LTBP1: variants seen among roughly 807,000 people sequenced by gnomAD.
LTBP1 encodes latent transforming growth factor beta binding protein 1.
In LTBP1, 129 loss-of-function variants were observed where a neutral mutation model predicts 207.6. That is an observed-to-expected ratio of 0.62 (90% CI 0.54 to 0.72). The LOEUF (loss-of-function observed/expected upper bound fraction) is 0.72, where lower values mean the gene tolerates loss of function less well. Ranked by LOEUF, LTBP1 falls within the 30% of genes least tolerant of loss-of-function variation. LTBP1 has a pLI of 0.00. For missense variants in LTBP1, 2,281 were observed against 2,217.2 expected, an observed-to-expected ratio of 1.03 and a Z score of -0.58; for synonymous variants, 963 against 833.7, an observed-to-expected ratio of 1.16 and a Z score of -2.67.
At position 33,293,995 on chromosome 2, in the gene LTBP1, C is replaced by CTTTTTTTTTTTTTT. The variant is rs71409607; in HGVS notation, c.3235+728_3235+741dup. On this transcript the variant is annotated intron_variant, in intron 20 of 33. Coordinates refer to ENST00000404816, the MANE Select transcript of LTBP1 (RefSeq NM_206943.4). ...ATTAGTGAACAAAACTGGTACAGGT[C>CTTTTTTTTTTTTTT]TTTTTTTTTTTTTTTTTTTTTTTTT... is the stretch of plus-strand genomic sequence containing the variant. Among the ~76,000 whole-genome samples, 3 of 48,808 alleles carry CTTTTTTTTTTTTTT rather than the reference C, an allele frequency of 6.1e-5. 1 individual carries two copies. Among genetic ancestry groups the CTTTTTTTTTTTTTT allele is most frequent in the African/African-American group, 2.6e-4 (3 of 11,522 alleles). 32.0% of individuals were successfully genotyped at this position (48,808 alleles called of 152,430 possible).
intron 22 of LTBP1, among the ~76,000 whole-genome samples, chr2:33,305,767 G>A (rs994782491): frequency 6.6e-6 from 1 of 152,164 alleles, no homozygotes; most frequent in Non-Finnish European, 1.5e-5. Flanking sequence ...ACCAGCAAAG[G>A]AGATTGAGGA....
chr2:33,336,756 A>G (rs1380577100), intron 24 of LTBP1, among the ~76,000 whole-genome samples: 1 of 152,204 alleles, frequency 6.6e-6, no homozygotes, highest in Non-Finnish European at 1.5e-5. Flanking sequence ...AGTCAACAAA[A>G]TAAGAGAAGG....
chr2:33,203,484 G>A (rs1264642577), intron 7 of LTBP1, among the ~76,000 whole-genome samples: 2 of 152,134 alleles, frequency 1.3e-5, no homozygotes, highest in South Asian at 2.1e-4. Context: ...CCCTTCCTGC[G>A]GCCCAGTATC....
intron 2 of LTBP1, among the ~76,000 whole-genome samples, chr2:32,957,773 T>A (rs1019361224): frequency 6.6e-6 from 1 of 152,188 alleles, no homozygotes; most frequent in Admixed American, 6.5e-5. Context: ...ACACAGTGTT[T>A]GTGAAGTGCA....
chr2:33,037,206 T>C (rs1405740991), intron 3 of LTBP1, among the ~76,000 whole-genome samples: 1 of 152,210 alleles, frequency 6.6e-6, no homozygotes, highest in African/African-American at 2.4e-5. Context: ...CCATATCATA[T>C]ATGTTTCATT....
At chr2:33,138,938 A>T (rs1486151241) in intron 5 of LTBP1, among the ~76,000 whole-genome samples, 4 of 132,444 alleles carry the variant, frequency 3.0e-5, no homozygotes, top group Admixed American at 8.8e-5. Flanking sequence ...GGCTCACTGC[A>T]AGCTCCGCCT....
At chr2:33,049,682 G>T (rs904162978) in intron 3 of LTBP1, among the ~76,000 whole-genome samples, 2 of 152,100 alleles carry the variant, frequency 1.3e-5, no homozygotes, top group African/African-American at 4.8e-5. Flanking sequence ...TATGTTTTGT[G>T]ATGTACATAT....
chr2:33,073,506 C>G (rs977844701), intron 3 of LTBP1, among the ~76,000 whole-genome samples: 1 of 152,064 alleles, frequency 6.6e-6, no homozygotes, highest in African/African-American at 2.4e-5. Context: ...TTGAAGAAAC[C>G]TATCATACAT....
intron 7 of LTBP1, among the ~76,000 whole-genome samples, chr2:33,206,315 G>A (rs1393348634): frequency 6.6e-6 from 1 of 152,194 alleles, no homozygotes; most frequent in Non-Finnish European, 1.5e-5. Context: ...AAAACTGAAA[G>A]CTTAACCAAA....
chr2:33,139,028 T>C (rs1291825864), intron 5 of LTBP1, among the ~76,000 whole-genome samples: 1 of 150,088 alleles, frequency 6.7e-6, no homozygotes, highest in Non-Finnish European at 1.5e-5. Context: ...CCGGCTAATT[T>C]TTTGTATTTT....
chr2:33,104,848 G>A (rs1455362487), intron 3 of LTBP1, among the ~76,000 whole-genome samples: 1 of 152,062 alleles, frequency 6.6e-6, no homozygotes, highest in Non-Finnish European at 1.5e-5. Flanking sequence ...CGAGAATAGA[G>A]TGGCCCTTTC....
chr2:33,234,627 C>T (rs1188443142), intron 9 of LTBP1, among the ~76,000 whole-genome samples: 1 of 152,134 alleles, frequency 6.6e-6, no homozygotes, highest in African/African-American at 2.4e-5. Flanking sequence ...GCATCAATAT[C>T]GTGAAAATGG....
chr2:33,024,260 G>C (rs2075310339), intron 3 of LTBP1, among the ~76,000 whole-genome samples: 1 of 152,210 alleles, frequency 6.6e-6, no homozygotes, highest in Non-Finnish European at 1.5e-5. Flanking sequence ...AAGTGCTGTG[G>C]AGAAAATAAA....
chr2:32,992,855 C>T (rs1315565182), intron 2 of LTBP1, among the ~76,000 whole-genome samples: 4 of 152,074 alleles, frequency 2.6e-5, no homozygotes, highest in South Asian at 4.2e-4. Flanking sequence ...GGAAGGTGTG[C>T]GTGGCAGTGC....
At chr2:33,232,617 A>G (rs1018130393) in intron 9 of LTBP1, among the ~76,000 whole-genome samples, 6 of 152,192 alleles carry the variant, frequency 3.9e-5, no homozygotes, top group African/African-American at 1.4e-4. Context: ...GGATTTGCCA[A>G]ATAAAATCCA....
chr2:33,122,022 C>G (rs1240278750), intron 4 of LTBP1, among the ~76,000 whole-genome samples: 1 of 151,104 alleles, frequency 6.6e-6, no homozygotes, highest in African/African-American at 2.4e-5. Context: ...GTTCTTCCCC[C>G]CACCCTGCCC....
At chr2:33,100,193 G>A (rs2079637758) in intron 3 of LTBP1, among the ~76,000 whole-genome samples, 4 of 152,220 alleles carry the variant, frequency 2.6e-5, no homozygotes, top group Admixed American at 2.0e-4. Flanking sequence ...TCCGGCTACA[G>A]AGACTGACAG....
At chr2:33,259,348 G>A (rs1447171186) in intron 12 of LTBP1, among the ~76,000 whole-genome samples, 3 of 152,194 alleles carry the variant, frequency 2.0e-5, no homozygotes, top group African/African-American at 7.2e-5. Flanking sequence ...GAGTTTGAAA[G>A]ACTTGTTCAC....
chr2:33,391,822 A>G (rs1456265694), intron 32 of LTBP1, among the ~76,000 whole-genome samples: 4 of 152,108 alleles, frequency 2.6e-5, no homozygotes, highest in African/African-American at 4.8e-5. Context: ...TTAACTACAC[A>G]TGTTAAGAAA....
Sources: allele counts gnomAD v4.1 joint callset (sites outside exome capture counted in the v4.1 genomes callset), GRCh38; gene constraint gnomAD v4.1.1; transcripts MANE v1.5; gene names NCBI Gene and HGNC (gene_info 2026-07-23, HGNC 2026-07-21).